The following FHOD3 variants were observed in gnomAD, a reference collection of about 807,000 sequenced individuals.
FHOD3 encodes formin homology 2 domain containing 3.
Under a neutral mutation model 173.0 loss-of-function variants are expected in FHOD3, and 90 were observed. The observed-to-expected ratio is 0.52, with a 90% CI of 0.44 to 0.62. FHOD3 has a LOEUF of 0.62. Ranked by LOEUF, FHOD3 falls within the 20% of genes least tolerant of loss-of-function variation. The probability of loss-of-function intolerance (pLI) is 0.00; values close to 1 mark genes in which losing one functional copy is unlikely to be tolerated. For synonymous variants in FHOD3, 828 were observed against 823.0 expected, an observed-to-expected ratio of 1.01 and a Z score of -0.10; for missense variants, 1,945 against 2,034.7, an observed-to-expected ratio of 0.96 and a Z score of 0.85.
At chr18:36,615,900 A>G (rs2033151961) in intron 9 of FHOD3, among the ~76,000 whole-genome samples, 1 of 152,192 alleles carries the variant, frequency 6.6e-6, no homozygotes, top group East Asian at 1.9e-4. Flanking sequence ...TGATCTTGGG[A>G]GAGAAGAAAC....
Position 36,452,127 on chromosome 18 carries a change from T to C in FHOD3, c.338-49805T>C, listed in dbSNP as rs1457526054. ...GATCGCAGCTCATTGTCATCACGAGTTACGAGAATTATGAGGGTGCGTCTT... is the reference window on the plus strand; with the variant it reads ...GATCGCAGCTCATTGTCATCACGAGCTACGAGAATTATGAGGGTGCGTCTT... On this transcript the variant is annotated intron_variant, in intron 3 of 28. Coordinates refer to ENST00000590592, the MANE Select transcript of FHOD3 (RefSeq NM_001281740.3). Among the ~76,000 whole-genome samples, 6 of 152,082 alleles carry C rather than the reference T, an allele frequency of 3.9e-5. No homozygotes were observed. The East Asian group carries it at 9.7e-4, about 24-fold the overall frequency.
intron 2 of FHOD3, among the ~76,000 whole-genome samples, chr18:36,363,287 G>A (rs765738664): frequency 6.6e-6 from 1 of 152,156 alleles, no homozygotes; most frequent in African/African-American, 2.4e-5. Flanking sequence ...TGGCAATCGT[G>A]CTTCTGGGTA....
chr18:36,516,071 A>G (rs1484206043), intron 5 of FHOD3, among the ~76,000 whole-genome samples: 2 of 152,234 alleles, frequency 1.3e-5, no homozygotes. Context: ...CTTAGTTCAT[A>G]CATGGAGTCA....
rs569985918 is a variant in FHOD3 at position 36,641,349 on chromosome 18, T to C, written c.1197-7967T>C. The stretch of plus-strand genomic sequence containing the variant: ...CACGAAGGGAAAGTGGAAGACGAAG[T>C]TGGAGAGGTGATAAGAGATTAGAGG... On this transcript the variant is annotated intron_variant, in intron 10 of 28. Coordinates refer to ENST00000590592, the MANE Select transcript of FHOD3 (RefSeq NM_001281740.3). 9.2e-5 allele frequency among the ~76,000 whole-genome samples: 14 copies of C among 152,168 alleles called. No individual in the cohort carries two copies. The South Asian group carries it at 2.3e-3, about 25-fold the overall frequency.
intron 1 of FHOD3, among the ~76,000 whole-genome samples, chr18:36,314,026 G>T (rs974881471): frequency 6.6e-6 from 1 of 152,168 alleles, no homozygotes; most frequent in African/African-American, 2.4e-5. Flanking sequence ...GGGGCTACAG[G>T]CATGAGCCAC....
intron 7 of FHOD3, among the ~76,000 whole-genome samples, chr18:36,597,074 G>T (rs2030561013): frequency 6.6e-6 from 1 of 152,152 alleles, no homozygotes; most frequent in Admixed American, 6.5e-5. Flanking sequence ...TAAGCTTCAG[G>T]TAACCCCAGG....
intron 1 of FHOD3, among the ~76,000 whole-genome samples, chr18:36,324,352 A>G (rs532418558): frequency 6.6e-6 from 1 of 152,352 alleles, no homozygotes; most frequent in Admixed American, 6.5e-5. Context: ...GAAAAACACT[A>G]GCCATAAAGG....
intron 1 of FHOD3, among the ~76,000 whole-genome samples, chr18:36,339,885 A>G (rs971217008): frequency 5.9e-5 from 9 of 152,176 alleles, no homozygotes; most frequent in Non-Finnish European, 1.2e-4. Context: ...TAGGCCCCAC[A>G]TTTTTGGTTT....
chr18:36,752,161 G>A (rs1301989538), intron 24 of FHOD3, among the ~76,000 whole-genome samples: 1 of 152,096 alleles, frequency 6.6e-6, no homozygotes, highest in East Asian at 1.9e-4. Flanking sequence ...GGGGGATACC[G>A]CCCCCTATGA....
At chr18:36,686,484 G>A (rs765606860) in intron 15 of FHOD3, among the ~76,000 whole-genome samples, 3 of 151,308 alleles carry the variant, frequency 2.0e-5, no homozygotes, top group Non-Finnish European at 4.4e-5. Context: ...ACTGGGGCCT[G>A]TCAGTGGGGG....
At chr18:36,398,782 A>G (rs1276697530) in intron 3 of FHOD3, among the ~76,000 whole-genome samples, 3 of 151,846 alleles carry the variant, frequency 2.0e-5, no homozygotes, top group Admixed American at 1.3e-4. Context: ...AAGTCTGCCT[A>G]TTTTCCATGA....
At chr18:36,657,662 C>G (rs531181070) in intron 13 of FHOD3, among the ~76,000 whole-genome samples, 35 of 152,310 alleles carry the variant, frequency 2.3e-4, no homozygotes, top group African/African-American at 6.5e-4. Context: ...GTTTCTTTAG[C>G]CAACCATATG....
chr18:36,489,487 C>T lies in FHOD3; in HGVS notation c.338-12445C>T, dbSNP rs144221979. ...AAGTGGTTTGAGAGCAGCCTGGCAA[C>T]GTAACGATATCCTGTCTCTACAAAA... On this transcript the variant is annotated intron_variant, in intron 3 of 28. Transcript: ENST00000590592. Among the ~76,000 whole-genome samples, 1,398 of 152,168 alleles carry T rather than the reference C, an allele frequency of 9.2e-3. 20 individuals are homozygous for T. The highest frequency in any genetic ancestry group is 0.032 in the African/African-American group (1,316 of 41,536).
chr18:36,455,274 T>G (rs2052115729), intron 3 of FHOD3, among the ~76,000 whole-genome samples: 2 of 152,232 alleles, frequency 1.3e-5, no homozygotes, highest in Admixed American at 1.3e-4. Context: ...GGCAAGATGC[T>G]GGCTTACCTC....
chr18:36,624,368 C>T (rs779691674), intron 9 of FHOD3, among the ~76,000 whole-genome samples: 9 of 152,192 alleles, frequency 5.9e-5, no homozygotes, highest in Non-Finnish European at 1.2e-4. Flanking sequence ...ATTAGTGGCA[C>T]AGCCAGCATG....
At chr18:36,611,643 T>G (rs2032688186) in intron 8 of FHOD3, among the ~76,000 whole-genome samples, 1 of 152,212 alleles carries the variant, frequency 6.6e-6, no homozygotes, top group Non-Finnish European at 1.5e-5. Context: ...TCATTACATC[T>G]GCAAAATCCC....
chr18:36,659,638 A>G (rs1219838024), intron 14 of FHOD3, among the ~76,000 whole-genome samples: 1 of 152,184 alleles, frequency 6.6e-6, no homozygotes, highest in Non-Finnish European at 1.5e-5. Flanking sequence ...GGGCCTGGCA[A>G]TAGTAGAGCC....
At chr18:36,689,145 GA>G (rs1476887993) in intron 16 of FHOD3, among the ~76,000 whole-genome samples, 3 of 152,176 alleles carry the variant, frequency 2.0e-5, no homozygotes, top group Non-Finnish European at 4.4e-5. Context: ...GGAGTTAGGG[GA>G]AATATAGACT....
chr18:36,382,072 G>A (rs368776497), intron 3 of FHOD3, among the ~76,000 whole-genome samples: 29 of 152,186 alleles, frequency 1.9e-4, no homozygotes, highest in African/African-American at 5.8e-4. Context: ...CCAGGTCTCC[G>A]GGAGGTTGGA....
Sources: gnomAD v4.1 joint callset for allele counts (sites outside exome capture counted in the v4.1 genomes callset) on GRCh38, gnomAD v4.1.1 for gene constraint, MANE v1.5 for transcripts, NCBI Gene and HGNC (gene_info 2026-07-23, HGNC 2026-07-21) for gene names.